The following GAN variants were observed in gnomAD, a reference collection of about 807,000 sequenced individuals.
GAN encodes the protein epididymis secretory sperm binding protein.
Under a neutral mutation model 71.3 loss-of-function variants are expected in GAN, and 48 were observed. The ratio of observed to expected loss-of-function variants is 0.67; its 90% CI spans 0.53 to 0.86. GAN has a LOEUF of 0.86. Ranked by LOEUF, GAN falls within the 40% of genes least tolerant of loss-of-function variation. The pLI, the probability that GAN is intolerant of heterozygous loss-of-function variation, is 0.00. For missense variants in GAN, 928 were observed against 770.1 expected (o/e 1.21, Z -2.43); for synonymous variants, 386 against 276.8 (o/e 1.39, Z -3.92).
At chr16:81,359,616 T>C (rs1597404219) in intron 5 of GAN, among the ~76,000 whole-genome samples, 1 of 152,158 alleles carries the variant, frequency 6.6e-6, no homozygotes, top group African/African-American at 2.4e-5. Flanking sequence ...ATTTTCCATT[T>C]TCCATACTCT....
At chr16:81,336,729 C>T (rs1313617233) in intron 1 of GAN, among the ~76,000 whole-genome samples, 9 of 151,918 alleles carry the variant, frequency 5.9e-5, no homozygotes, top group Admixed American at 4.6e-4. Context: ...TCTCCCACCT[C>T]GGCCTCCAAA....
At chr16:81,327,853 A>G (rs1398753929) in intron 1 of GAN, among the ~76,000 whole-genome samples, 1 of 152,244 alleles carries the variant, frequency 6.6e-6, no homozygotes, top group Non-Finnish European at 1.5e-5. Flanking sequence ...TTAAGGTTAT[A>G]TAGAAAGAGC....
chr16:81,318,066 G>A (rs145171641), intron 1 of GAN, among the ~76,000 whole-genome samples: 13 of 152,214 alleles, frequency 8.5e-5, no homozygotes, highest in African/African-American at 3.1e-4. Context: ...TGTTAATTTT[G>A]TATTTTTACT....
chr16:81,324,367 G>A (rs1909312115), intron 1 of GAN, among the ~76,000 whole-genome samples: 1 of 152,154 alleles, frequency 6.6e-6, no homozygotes, highest in African/African-American at 2.4e-5. Context: ...GGCTGCTGCT[G>A]TGGCCTGGGT....
chr16:81,332,637 G>A (rs1909620643), intron 1 of GAN, among the ~76,000 whole-genome samples: 1 of 152,186 alleles, frequency 6.6e-6, no homozygotes, highest in East Asian at 1.9e-4. Flanking sequence ...CATAGCACAT[G>A]CCTGCTCCAC....
rs149303827 is a variant in GAN, at chr16:81,374,948, G to T, written c.1503-2271G>T. ...AGAAAGTGAACTGTGATTCATGTCA[G>T]ACCCAAAAAATTAACTTGAAATGTA... On this transcript the variant is annotated intron_variant, in intron 9 of 10. Coordinates refer to ENST00000648994, the MANE Select transcript of GAN (RefSeq NM_022041.4). Among the ~76,000 whole-genome samples, 29 of 152,252 alleles carry T rather than the reference G, an allele frequency of 1.9e-4. No individual in the cohort carries two copies. The East Asian group carries it at 5.4e-3, about 28-fold the overall frequency.
chr16:81,387,305 G>A lies in GAN; in HGVS notation c.*9709G>A, dbSNP rs576769388. The A allele has an allele frequency of 6.6e-6, 1 of 152,294 alleles. No individual in the cohort carries two copies. The highest frequency in any genetic ancestry group is 2.1e-4 in the South Asian group (1 of 4,822). The allele number at this position is 152,294 out of a possible 1,614,324, so 9.4% of individuals were successfully genotyped here. ...TTGATCATTTGAACATATGCCAGTT[G>A]TTTCTCCTGCCCTAGGGGAGGTTGG... On this transcript the variant is annotated 3_prime_UTR_variant, in exon 11 of 11. Transcript: ENST00000648994.
chr16:81,376,713 C>G (rs1011697661), intron 9 of GAN, among the ~76,000 whole-genome samples: 5 of 151,810 alleles, frequency 3.3e-5, no homozygotes, highest in Non-Finnish European at 1.5e-5. Context: ...CGCATACACA[C>G]ACACACACAC....
intron 9 of GAN, among the ~76,000 whole-genome samples, chr16:81,372,586 C>T (rs576179672): frequency 2.6e-5 from 4 of 152,294 alleles, no homozygotes; most frequent in South Asian, 2.1e-4. Flanking sequence ...AGATCACCTA[C>T]GCGTATTTTT....
At chr16:81,363,974 G>C (rs1597406474) in intron 7 of GAN, 31 bp downstream of exon 7, 1 of 1,555,300 alleles carries the variant, frequency 6.4e-7, no homozygotes, top group Non-Finnish European at 8.9e-7. Context: ...TAACTAGTCT[G>C]TGTACACATT....
intron 9 of GAN, among the ~76,000 whole-genome samples, chr16:81,367,655 T>A (rs1001640816): frequency 6.6e-6 from 1 of 152,260 alleles, no homozygotes; most frequent in Non-Finnish European, 1.5e-5. Flanking sequence ...GATTCTAACA[T>A]GTTTAGATAA....
intron 3 of GAN, 63 bp from the exon 4 acceptor site, chr16:81,356,722 T>C: frequency 8.9e-7 from 1 of 1,129,822 alleles, no homozygotes; most frequent in Admixed American, 1.7e-5. Flanking sequence ...AAAATGTAGA[T>C]TCTAAAAATG....
intron 1 of GAN, among the ~76,000 whole-genome samples, chr16:81,332,161 CAAAAAA>C (rs397855942): frequency 1.6e-5 from 1 of 60,686 alleles, no homozygotes; most frequent in African/African-American, 7.4e-5. Context: ...AAATCTGTCT[CAAAAAA>C]AAAAAAAAAG....
intron 9 of GAN, among the ~76,000 whole-genome samples, chr16:81,370,156 T>C (rs907797643): frequency 6.6e-6 from 1 of 152,268 alleles, no homozygotes; most frequent in Admixed American, 6.5e-5. Flanking sequence ...AATGGGCTAA[T>C]GTCGGCTGTA....
chr16:81,362,398 T>G, intron 5 of GAN, 101 bp from the exon 6 acceptor site: 1 of 739,804 alleles, frequency 1.4e-6, no homozygotes, highest in Non-Finnish European at 2.5e-6. Flanking sequence ...AACATTGTTG[T>G]CATCAGAGAG....
chr16:81,384,271 C>T lies in GAN; in HGVS notation c.*6675C>T, dbSNP rs1479840457. ...GTCAGAGGCCTTGAGGAATACAATT[C>T]TCTAAGGCCTGTTTTCCATTTTACT... On this transcript the variant is annotated 3_prime_UTR_variant, in exon 11 of 11. Transcript: ENST00000648994. 6.8e-6 allele frequency: 1 copy of T among 148,078 alleles called. No homozygotes were observed. Among genetic ancestry groups the T allele is most frequent in the African/African-American group, 2.5e-5 (1 of 40,100 alleles). 9.2% of individuals were successfully genotyped at this position (148,078 alleles called of 1,614,324 possible). A position where few individuals can be genotyped will look rare whatever the true frequency, so the allele number is the denominator to read the frequency against.
At chr16:81,334,769 C>T (rs1368786792) in intron 1 of GAN, among the ~76,000 whole-genome samples, 1 of 152,178 alleles carries the variant, frequency 6.6e-6, no homozygotes, top group Non-Finnish European at 1.5e-5. Context: ...GTTCATGATG[C>T]CATTCTAAAC....
chr16:81,318,360 G>GAAC lies in GAN; in HGVS notation c.167+3080_167+3081insAAC, dbSNP rs766638099. Among the ~76,000 whole-genome samples, 941 of 152,276 alleles carry GAAC rather than the reference G, an allele frequency of 6.2e-3. 6 individuals are homozygous for GAAC. The highest frequency in any genetic ancestry group is 0.012 in the Non-Finnish European group (789 of 68,018). On this transcript the variant is annotated intron_variant, in intron 1 of 10. Transcript: ENST00000648994. ...CTGTCATAAGTGGTTGTGTGATTGT[G>GAAC]TGGTTTAGAAGCAGTGGTATGGCCT... is the stretch of plus-strand genomic sequence containing the variant.
chr16:81,346,888 A>C (rs1056707452), intron 1 of GAN, among the ~76,000 whole-genome samples: 1 of 152,216 alleles, frequency 6.6e-6, no homozygotes, highest in Non-Finnish European at 1.5e-5. Flanking sequence ...AGTGCCTTTA[A>C]CTGAAGCTTA....
Sources: allele counts gnomAD v4.1 joint callset (sites outside exome capture counted in the v4.1 genomes callset), GRCh38; gene constraint gnomAD v4.1.1; transcripts MANE v1.5; gene names NCBI Gene and HGNC (gene_info 2026-07-23, HGNC 2026-07-21).